CACNA2D3: variants seen among roughly 807,000 people sequenced by gnomAD.
CACNA2D3 encodes calcium voltage-gated channel auxiliary subunit alpha2delta 3, also known as voltage-dependent calcium channel subunit alpha-2/delta-3.
Under a neutral mutation model 160.6 loss-of-function variants are expected in CACNA2D3, and 60 were observed. That is an observed-to-expected ratio of 0.37 (90% CI 0.30 to 0.46). The LOEUF (loss-of-function observed/expected upper bound fraction) is 0.46, where lower values mean the gene tolerates loss of function less well. Among genes scored for constraint, CACNA2D3 ranks in the 20% least tolerant of loss-of-function variants. The probability of loss-of-function intolerance (pLI) is 1.00; values close to 1 mark genes in which losing one functional copy is unlikely to be tolerated. For synonymous variants in CACNA2D3, 558 were observed against 492.9 expected (o/e 1.13, Z -1.75); for missense variants, 1,205 against 1,365.0 (o/e 0.88, Z 1.85).
chr3:54,924,060 A>T (rs1700939002), intron 27 of CACNA2D3, among the ~76,000 whole-genome samples: 1 of 152,180 alleles, frequency 6.6e-6, no homozygotes, highest in South Asian at 2.1e-4. Flanking sequence ...ATAGTCTGAG[A>T]TCTCTTGCTT....
chr3:54,345,596 A>AGAGG (rs1454035151), intron 3 of CACNA2D3, among the ~76,000 whole-genome samples: 2 of 152,072 alleles, frequency 1.3e-5, no homozygotes, highest in African/African-American at 4.8e-5. Context: ...AGAGGCTGAG[A>AGAGG]CATTGTTTTT....
intron 5 of CACNA2D3, among the ~76,000 whole-genome samples, chr3:54,526,907 T>G (rs1701731517): frequency 1.3e-5 from 2 of 152,210 alleles, no homozygotes; most frequent in Admixed American, 1.3e-4. Flanking sequence ...GTTAGGCTGG[T>G]CTTCAACTGC....
chr3:54,410,801 T>C (rs576056896), intron 4 of CACNA2D3, among the ~76,000 whole-genome samples: 1 of 152,292 alleles, frequency 6.6e-6, no homozygotes, highest in Non-Finnish European at 1.5e-5. Flanking sequence ...AGTCTTATTA[T>C]TTAAGAAATG....
chr3:54,661,733 G>A (rs758175488), intron 11 of CACNA2D3, among the ~76,000 whole-genome samples: 22 of 152,184 alleles, frequency 1.4e-4, no homozygotes, highest in Non-Finnish European at 2.6e-4. Context: ...TCCTCTTGCT[G>A]CAATAGATTC....
At chr3:54,989,963 C>T (rs1336535909) in intron 31 of CACNA2D3, among the ~76,000 whole-genome samples, 1 of 152,278 alleles carries the variant, frequency 6.6e-6, no homozygotes, top group Non-Finnish European at 1.5e-5. Context: ...AAGGTTGACA[C>T]TCCTGTCATT....
intron 2 of CACNA2D3, among the ~76,000 whole-genome samples, chr3:54,130,956 C>T (rs899101246): frequency 1.3e-5 from 2 of 152,318 alleles, no homozygotes; most frequent in African/African-American, 2.4e-5. Flanking sequence ...AACCTATACC[C>T]TTAAATGAGA....
At chr3:54,325,778 G>A (rs552686317) in intron 3 of CACNA2D3, among the ~76,000 whole-genome samples, 19 of 152,182 alleles carry the variant, frequency 1.2e-4, no homozygotes, top group African/African-American at 1.7e-4. Flanking sequence ...CCTACTCAGT[G>A]ATGAGCCAAT....
At chr3:55,038,825 C>T (rs1380133061) in intron 35 of CACNA2D3, among the ~76,000 whole-genome samples, 2 of 141,092 alleles carry the variant, frequency 1.4e-5, no homozygotes, top group Non-Finnish European at 3.0e-5. Flanking sequence ...TAGTAAATGC[C>T]TTGGAAATAA....
intron 27 of CACNA2D3, among the ~76,000 whole-genome samples, chr3:54,945,526 T>C (rs774333638): frequency 9.2e-5 from 14 of 152,212 alleles, no homozygotes; most frequent in Non-Finnish European, 1.8e-4. Flanking sequence ...AATACAGACT[T>C]TGAGGAGGCC....
At chr3:54,372,519 G>A (rs950447013) in intron 3 of CACNA2D3, among the ~76,000 whole-genome samples, 2 of 152,048 alleles carry the variant, frequency 1.3e-5, no homozygotes, top group African/African-American at 4.8e-5. Context: ...AGATACCAGG[G>A]AATTTCAGTT....
At chr3:54,993,793 C>A (rs1047440290) in intron 31 of CACNA2D3, among the ~76,000 whole-genome samples, 1 of 151,224 alleles carries the variant, frequency 6.6e-6, no homozygotes, top group South Asian at 2.1e-4. Flanking sequence ...GGACTGCTCT[C>A]GTCGAGCCAC....
chr3:54,931,059 G>C (rs955459552), intron 27 of CACNA2D3, among the ~76,000 whole-genome samples: 5 of 152,330 alleles, frequency 3.3e-5, no homozygotes, highest in African/African-American at 4.8e-5. Flanking sequence ...TCGTGCCACT[G>C]TACTCCAGCC....
At chr3:54,582,265 T>C (rs1380765098) in intron 9 of CACNA2D3, among the ~76,000 whole-genome samples, 1 of 152,178 alleles carries the variant, frequency 6.6e-6, no homozygotes, top group Non-Finnish European at 1.5e-5. Flanking sequence ...GGGTAACTGT[T>C]GGGGTAACTT....
chr3:54,167,655 C>T (rs1310831929), intron 2 of CACNA2D3, among the ~76,000 whole-genome samples: 1 of 152,134 alleles, frequency 6.6e-6, no homozygotes, highest in Non-Finnish European at 1.5e-5. Flanking sequence ...TTGTTTACCA[C>T]CTTCATTACT....
In CACNA2D3 at chr3:54,940,646, GGGTGTGAAT is replaced by G. The variant is rs542696068; in HGVS notation, c.2450-27802_2450-27794del. Among the ~76,000 whole-genome samples the G allele has an allele frequency of 3.0e-3, 452 of 152,248 alleles. 3 individuals are homozygous for G. Among genetic ancestry groups the G allele is most frequent in the African/African-American group, 0.01 (425 of 41,502 alleles). On this transcript the variant is annotated intron_variant, in intron 27 of 37. Coordinates refer to ENST00000474759, the MANE Select transcript of CACNA2D3 (RefSeq NM_018398.3). ...TGGAAGTGAACATCACTAGTTTTCT[GGGTGTGAAT>G]GCCTAAAAGGACCAAAAAGAAGCAA...
chr3:54,363,916 G>T (rs141989095), intron 3 of CACNA2D3, among the ~76,000 whole-genome samples: 1 of 152,132 alleles, frequency 6.6e-6, no homozygotes, highest in Non-Finnish European at 1.5e-5. Flanking sequence ...CACCATCACC[G>T]ATGGCTGCCC....
At chr3:54,984,993 T>G (rs914443584) in intron 30 of CACNA2D3, among the ~76,000 whole-genome samples, 1 of 152,066 alleles carries the variant, frequency 6.6e-6, no homozygotes, top group Non-Finnish European at 1.5e-5. Flanking sequence ...GCCTCGAGGG[T>G]GGGGTGCCTT....
At position 54,236,667 on chromosome 3, in the gene CACNA2D3, G is replaced by A. The variant is rs139596332; in HGVS notation, c.205-83775G>A. On this transcript the variant is annotated intron_variant, in intron 2 of 37. Coordinates refer to ENST00000474759, the MANE Select transcript of CACNA2D3 (RefSeq NM_018398.3). ...GTAGAAAATTCTTGCCGGGGTCATC[G>A]GGTGACTCTCCAAATAATGCAAAGC... Among the ~76,000 whole-genome samples, 44 of 152,150 alleles carry A rather than the reference G, an allele frequency of 2.9e-4. No individual in the cohort carries two copies. In the East Asian group the frequency reaches 7.5e-3, roughly 26 times the overall value.
At chr3:54,478,631 CA>C (rs1700871113) in intron 4 of CACNA2D3, among the ~76,000 whole-genome samples, 1 of 13,102 alleles carries the variant, frequency 7.6e-5, no homozygotes. Flanking sequence ...GACTCTGTCT[CA>C]AAAAAATATA....
Sources: gnomAD v4.1 joint callset for allele counts (sites outside exome capture counted in the v4.1 genomes callset) on GRCh38, gnomAD v4.1.1 for gene constraint, MANE v1.5 for transcripts, NCBI Gene and HGNC (gene_info 2026-07-23, HGNC 2026-07-21) for gene names.